Variants in CHPT1 observed in about 807,000 individuals in gnomAD.
CHPT1 encodes choline phosphotransferase 1, also known as cholinephosphotransferase 1.
A neutral mutation model predicts 47.6 loss-of-function variants in CHPT1; 36 were observed. The ratio of observed to expected loss-of-function variants is 0.76; its 90% CI spans 0.58 to 1.00. The LOEUF (loss-of-function observed/expected upper bound fraction) is 1.00, where lower values mean the gene tolerates loss of function less well. CHPT1 is among the 50% of genes least tolerant of loss of function. The probability of loss-of-function intolerance (pLI) is 0.00; values close to 1 mark genes in which losing one functional copy is unlikely to be tolerated. For missense variants in CHPT1, 458 were observed against 498.1 expected, an observed-to-expected ratio of 0.92 and a Z score of 0.77; for synonymous variants, 194 against 186.3, an observed-to-expected ratio of 1.04 and a Z score of -0.33.
chr12:101,726,385 GTCA>G lies in CHPT1; in HGVS notation c.1161_1163del (p.His387del), dbSNP rs754935181. ...CATCTAAATATATTCAAGACTGCAT[GTCA>G]TCAAGCACCTGAACAGGTTCACAAG... On this transcript the variant is annotated inframe_deletion, in exon 8 of 9. Transcript: ENST00000229266. The G allele has an allele frequency of 4.3e-6, 7 of 1,612,876 alleles. No individual in the cohort carries two copies. The East Asian group carries it at 1.6e-4, about 36-fold the overall frequency.
At chr12:101,699,269 G>A (rs919048082) in intron 1 of CHPT1, among the ~76,000 whole-genome samples, 3 of 152,070 alleles carry the variant, frequency 2.0e-5, no homozygotes, top group Non-Finnish European at 4.4e-5. Flanking sequence ...TGTGTTTTTA[G>A]TAGATACAAG....
chr12:101,716,027 G>A (rs1951758580), intron 3 of CHPT1, among the ~76,000 whole-genome samples: 1 of 152,062 alleles, frequency 6.6e-6, no homozygotes, highest in South Asian at 2.1e-4. Context: ...TAGAATAATG[G>A]GGCCAAAAGC....
chr12:101,717,969 A>G lies in CHPT1; in HGVS notation c.648+1157A>G, dbSNP rs79724346. ...TTATGCGAGGAACTTATGGAGTTCC[A>G]AGAAGTTATGGAGGAACCTTAAATG... On this transcript the variant is annotated intron_variant, in intron 4 of 8. Transcript: ENST00000229266. Among the ~76,000 whole-genome samples, 30 of 152,356 alleles carry G rather than the reference A, an allele frequency of 2.0e-4. No homozygotes were observed. The East Asian group carries it at 5.8e-3, about 29-fold the overall frequency.
intron 5 of CHPT1, 32 bp from the exon 6 acceptor site, chr12:101,723,136 A>G (rs780410200): frequency 6.3e-7 from 1 of 1,593,170 alleles, no homozygotes; most frequent in Non-Finnish European, 8.6e-7. Flanking sequence ...CAGTGTTAAA[A>G]TGTGATACTG....
intron 8 of CHPT1, chr12:101,727,370 T>C (rs1446812180): frequency 6.6e-6 from 1 of 152,176 alleles, no homozygotes; most frequent in Non-Finnish European, 1.5e-5. Context: ...GATTACTCAT[T>C]ATGAATACTA....
intron 3 of CHPT1, among the ~76,000 whole-genome samples, chr12:101,715,945 A>T (rs924818624): frequency 1.3e-5 from 2 of 152,202 alleles, no homozygotes; most frequent in Non-Finnish European, 2.9e-5. Flanking sequence ...AATTAATGAA[A>T]TGTATCCCTT....
At chr12:101,722,393 C>A (rs906748862) in intron 5 of CHPT1, among the ~76,000 whole-genome samples, 13 of 152,022 alleles carry the variant, frequency 8.6e-5, no homozygotes, top group Non-Finnish European at 1.6e-4. Context: ...GATTTAATAA[C>A]CTCAATACCA....
intron 3 of CHPT1, 81 bp from the exon 4 acceptor site, chr12:101,716,647 G>A (rs1391959354): frequency 3.9e-6 from 3 of 774,788 alleles, no homozygotes; most frequent in Non-Finnish European, 6.2e-6. Flanking sequence ...TTACATCTTT[G>A]CTATTTAATA....
rs886398106 is a variant in CHPT1 at position 101,720,366 on chromosome 12, A to G, written c.780+112A>G. 3.4e-6 allele frequency: 3 copies of G among 894,140 alleles called. No individual in the cohort carries two copies. The South Asian group carries it at 4.7e-5, about 14-fold the overall frequency. The allele number at this position is 894,140 out of a possible 1,614,324, so 55.4% of individuals were successfully genotyped here. ...TCAAGAATGGGGAAGGAAACTAAGT[A>G]TCTTAAAGAATTCATTTTAGGCACA... is the stretch of plus-strand genomic sequence containing the variant. On this transcript the variant is annotated intron_variant, in intron 5 of 8. Coordinates refer to ENST00000229266, the MANE Select transcript of CHPT1 (RefSeq NM_020244.3).
intron 1 of CHPT1, among the ~76,000 whole-genome samples, chr12:101,712,300 T>C (rs1057416875): frequency 6.7e-6 from 1 of 148,582 alleles, no homozygotes; most frequent in African/African-American, 2.4e-5. Context: ...GGATTATAGG[T>C]GTGAGCCGCC....
chr12:101,715,583 A>G (rs193096679), intron 3 of CHPT1, among the ~76,000 whole-genome samples: 2 of 152,346 alleles, frequency 1.3e-5, no homozygotes, highest in Admixed American at 6.5e-5. Flanking sequence ...TATTACCTCC[A>G]TCTAAAGACA....
intron 1 of CHPT1, among the ~76,000 whole-genome samples, chr12:101,700,215 G>C (rs758332532): frequency 2.0e-5 from 3 of 151,402 alleles, no homozygotes; most frequent in Non-Finnish European, 4.4e-5. Flanking sequence ...CACTTAGAAA[G>C]AGCAGGGCTT....
intron 7 of CHPT1, among the ~76,000 whole-genome samples, chr12:101,725,595 A>G (rs2137031204): frequency 6.6e-6 from 1 of 151,368 alleles, no homozygotes; most frequent in South Asian, 2.1e-4. Flanking sequence ...GTCAAATTCA[A>G]TTTTTATTTA....
At chr12:101,715,630 A>G (rs1270978555) in intron 3 of CHPT1, among the ~76,000 whole-genome samples, 1 of 152,218 alleles carries the variant, frequency 6.6e-6, no homozygotes, top group African/African-American at 2.4e-5. Flanking sequence ...GTATGTAGAC[A>G]GATATAAAAA....
Position 101,698,008 on chromosome 12 carries a change from C to G in CHPT1, c.147C>G (p.Tyr49Ter). The G allele has an allele frequency of 6.3e-7, 1 of 1,575,038 alleles. No homozygotes were observed. The highest frequency in any genetic ancestry group is 8.5e-7 in the Non-Finnish European group (1 of 1,170,116). ...TGCTCGAGCCGCCGCTGCAGCTCTA[C>G]TGGACCTGGCTGCTCCAGTGGATCC... ...VSLLEPPLQL[Y>*]WTWLLQWIPL... The change falls in exon 1 of 9, where the codon TAC becomes TAG. Residue 49 changes from tyrosine (Y) to a stop codon, truncating the protein, a stop_gained. Transcript: ENST00000229266. LOFTEE classifies it high-confidence loss of function.
intron 1 of CHPT1, among the ~76,000 whole-genome samples, chr12:101,701,298 C>T (rs751339821): frequency 6.6e-6 from 1 of 152,094 alleles, no homozygotes; most frequent in Non-Finnish European, 1.5e-5. Context: ...CTTTCAATAC[C>T]CAATTCTAAC....
rs754516810 is a variant in CHPT1, at chr12:101,728,864, T to C, written c.1177-37T>C. 3 of 1,608,408 alleles carry C rather than the reference T, an allele frequency of 1.9e-6. No homozygotes were observed. The Admixed American group carries it at 5.0e-5, about 27-fold the overall frequency. On this transcript the variant is annotated intron_variant, in intron 8 of 8. Coordinates refer to ENST00000229266, the MANE Select transcript of CHPT1 (RefSeq NM_020244.3). ...ACTATTCTAAAGACTTACAATATGC[T>C]TCTTAGCTAACGTTATAATTGTATC...
chr12:101,724,389 C>A (rs1242120648), intron 7 of CHPT1, among the ~76,000 whole-genome samples: 1 of 152,044 alleles, frequency 6.6e-6, no homozygotes, highest in African/African-American at 2.4e-5. Context: ...AACTGTGTAC[C>A]TAAAAATAGC....
chr12:101,726,430 T>C (rs550558386), intron 8 of CHPT1, 26 bp downstream of exon 8: 16 of 1,606,662 alleles, frequency 1.0e-5, no homozygotes, highest in African/African-American at 2.7e-5. Flanking sequence ...GACTGACTAA[T>C]AGCCCAAGGA....
Sources: gnomAD v4.1 joint callset for allele counts (sites outside exome capture counted in the v4.1 genomes callset) on GRCh38, gnomAD v4.1.1 for gene constraint, MANE v1.5 for transcripts, NCBI Gene and HGNC (gene_info 2026-07-23, HGNC 2026-07-21) for gene names.